Variants in IL1RL1 observed in about 807,000 individuals in gnomAD.
IL1RL1 encodes the protein interleukin-1 receptor-like 1.
A neutral mutation model predicts 50.9 loss-of-function variants in IL1RL1; 32 were observed. The observed-to-expected ratio is 0.63, with a 90% CI of 0.47 to 0.84. The LOEUF (loss-of-function observed/expected upper bound fraction) is 0.84. IL1RL1 is among the 40% of genes least tolerant of loss of function. The pLI, the probability that IL1RL1 is intolerant of heterozygous loss-of-function variation, is 0.00. For synonymous variants in IL1RL1, 275 were observed against 236.0 expected (o/e 1.17, Z -1.51); for missense variants, 773 against 662.9 (o/e 1.17, Z -1.82).
chr2:102,320,496 A>G (rs992929208), intron 1 of IL1RL1, among the ~76,000 whole-genome samples: 1 of 152,128 alleles, frequency 6.6e-6, no homozygotes, highest in Non-Finnish European at 1.5e-5. Flanking sequence ...CTCTAGCCCA[A>G]TATGTCTCCT....
chr2:102,349,552 C>T (rs1487411267), intron 10 of IL1RL1, among the ~76,000 whole-genome samples: 9 of 152,166 alleles, frequency 5.9e-5, no homozygotes, highest in Non-Finnish European at 1.2e-4. Context: ...CAGGATAACT[C>T]TGCCACTTCT....
At chr2:102,349,057 T>C (rs777469972) in intron 9 of IL1RL1, 22 bp from the exon 10 acceptor site, 10 of 1,583,708 alleles carry the variant, frequency 6.3e-6, no homozygotes, top group Non-Finnish European at 7.8e-6. Context: ...TAAGAAGTTG[T>C]ACTTCTTGTT....
intron 1 of IL1RL1, among the ~76,000 whole-genome samples, chr2:102,326,456 A>G (rs968380680): frequency 1.3e-5 from 2 of 151,936 alleles, no homozygotes; most frequent in African/African-American, 4.8e-5. Context: ...AACGAGCAAA[A>G]TAAATAGCAA....
In IL1RL1 at chr2:102,338,216, G is replaced by A; in HGVS notation, c.-49G>A. 7.8e-7 allele frequency: 1 copy of A among 1,280,826 alleles called. No individual in the cohort carries two copies. The highest frequency in any genetic ancestry group is 1.1e-6 in the Non-Finnish European group (1 of 881,222). 79.3% of individuals were successfully genotyped at this position (1,280,826 alleles called of 1,614,324 possible). Reference sequence around the variant, plus strand: ...GTCGTATGCCAGTGACTCATCTGGAGTAATCTCAACAACGAGTTACCAATA... The same window carrying A: ...GTCGTATGCCAGTGACTCATCTGGAATAATCTCAACAACGAGTTACCAATA... On this transcript the variant is annotated 5_prime_UTR_variant, in exon 2 of 11. Coordinates refer to ENST00000233954, the MANE Select transcript of IL1RL1 (RefSeq NM_016232.5).
chr2:102,320,655 A>C (rs1235223373), intron 1 of IL1RL1, among the ~76,000 whole-genome samples: 2 of 151,988 alleles, frequency 1.3e-5, no homozygotes, highest in East Asian at 3.9e-4. Flanking sequence ...GTAACTAGCA[A>C]CCCTATTTGA....
At chr2:102,341,514 C>T (rs1016593974) in intron 5 of IL1RL1, among the ~76,000 whole-genome samples, 13 of 152,122 alleles carry the variant, frequency 8.5e-5, no homozygotes, top group African/African-American at 3.1e-4. Flanking sequence ...GTAATAGCCC[C>T]TTTACGTATG....
chr2:102,345,208 C>A (rs1573159955), intron 8 of IL1RL1: 2 of 983,936 alleles, frequency 2.0e-6, no homozygotes, highest in Non-Finnish European at 2.4e-6. Flanking sequence ...AGTGCTCTTC[C>A]CACAGAGGTG....
chr2:102,330,751 A>G (rs1677156528), intron 1 of IL1RL1, among the ~76,000 whole-genome samples: 1 of 152,222 alleles, frequency 6.6e-6, no homozygotes, highest in African/African-American at 2.4e-5. Flanking sequence ...ACTGTGGCTT[A>G]GTCTATTCAA....
intron 8 of IL1RL1, chr2:102,343,957 T>A (rs2104993971): frequency 1.0e-6 from 1 of 955,000 alleles, no homozygotes; most frequent in South Asian, 4.7e-5. Context: ...GTTAGGCCAT[T>A]CTTGCATTGA....
At chr2:102,345,588 G>T (rs1392136624) in intron 8 of IL1RL1, 10 of 985,340 alleles carry the variant, frequency 1.0e-5, no homozygotes, top group Non-Finnish European at 1.1e-5. Flanking sequence ...GGGGTGTGGG[G>T]ACAGCGGGCC....
At chr2:102,337,483 AT>A (rs2104981932) in intron 1 of IL1RL1, 1 of 152,286 alleles carries the variant, frequency 6.6e-6, no homozygotes, top group East Asian at 1.9e-4. Context: ...GTAAATGATT[AT>A]TTTTCTGAAA....
At chr2:102,342,513 A>T (rs924133255) in intron 6 of IL1RL1, among the ~76,000 whole-genome samples, 8 of 152,166 alleles carry the variant, frequency 5.3e-5, no homozygotes, top group Non-Finnish European at 1.0e-4. Flanking sequence ...TGTACTTTGT[A>T]ATTCATGATG....
At chr2:102,348,507 C>G (rs928536370) in intron 9 of IL1RL1, among the ~76,000 whole-genome samples, 3 of 152,124 alleles carry the variant, frequency 2.0e-5, no homozygotes, top group African/African-American at 2.4e-5. Context: ...TACCTGAAAC[C>G]CTGATCTGTA....
At chr2:102,313,007 T>C (rs926717132) in intron 1 of IL1RL1, 10 of 152,098 alleles carry the variant, frequency 6.6e-5, no homozygotes, top group South Asian at 6.2e-4. Flanking sequence ...CTGAATACCA[T>C]TGTGGACATA....
At chr2:102,332,735 G>A (rs144702787) in intron 1 of IL1RL1, among the ~76,000 whole-genome samples, 7 of 152,174 alleles carry the variant, frequency 4.6e-5, no homozygotes, top group African/African-American at 1.7e-4. Flanking sequence ...ACTAGATAGA[G>A]TTAGTGGTTG....
chr2:102,346,638 G>C (rs1250037855), intron 8 of IL1RL1, among the ~76,000 whole-genome samples: 1 of 152,162 alleles, frequency 6.6e-6, no homozygotes, highest in African/African-American at 2.4e-5. Context: ...GACCTGGAAA[G>C]GAATCCTGTT....
Position 102,340,659 on chromosome 2 carries a change from A to G in IL1RL1, c.448-7A>G, listed in dbSNP as rs370308949. ...TACTGAGAAGGAAATGGAATTTCTT[A>G]TTTCAGAATTGTCAGGCTCTTCAAG... is the stretch of plus-strand genomic sequence containing the variant. On this transcript the variant is annotated splice_polypyrimidine_tract_variant and splice_region_variant and intron_variant, in intron 4 of 10. Coordinates refer to ENST00000233954, the MANE Select transcript of IL1RL1 (RefSeq NM_016232.5). 1.9e-6 allele frequency: 3 copies of G among 1,579,656 alleles called. No individual in the cohort carries two copies. The highest frequency in any genetic ancestry group is 2.8e-5 in the African/African-American group (2 of 72,186).
intron 4 of IL1RL1, 42 bp downstream of exon 4, chr2:102,340,314 T>G: frequency 6.6e-7 from 1 of 1,513,258 alleles, no homozygotes; most frequent in Non-Finnish European, 9.0e-7. Context: ...AATTACACAA[T>G]TAAAATAGAC....
At chr2:102,337,469 GAA>G (rs1677369042) in intron 1 of IL1RL1, 1 of 152,140 alleles carries the variant, frequency 6.6e-6, no homozygotes, top group Non-Finnish European at 1.5e-5. Context: ...AAAGAAGTAA[GAA>G]AGTAAATGAT....
Sources: gnomAD v4.1 joint callset for allele counts (sites outside exome capture counted in the v4.1 genomes callset) on GRCh38, gnomAD v4.1.1 for gene constraint, MANE v1.5 for transcripts, NCBI Gene and HGNC (gene_info 2026-07-23, HGNC 2026-07-21) for gene names.